Variants in KLHL7 observed in about 807,000 individuals in gnomAD.
KLHL7 encodes the protein kelch like family member 7.
KLHL7 carries 44 observed loss-of-function variants against 67.4 expected under a neutral mutation model. The observed-to-expected ratio is 0.65, with a 90% CI of 0.51 to 0.84. The LOEUF (loss-of-function observed/expected upper bound fraction) is 0.84, where lower values mean the gene tolerates loss of function less well. Ranked by LOEUF, KLHL7 falls within the 40% of genes least tolerant of loss-of-function variation. KLHL7 has a pLI of 0.00. For missense variants in KLHL7, 362 were observed against 718.1 expected, an observed-to-expected ratio of 0.50 and a Z score of 5.67; for synonymous variants, 252 against 243.3, an observed-to-expected ratio of 1.04 and a Z score of -0.33.
At chr7:23,160,314 A>G (rs1391861694) in intron 7 of KLHL7, among the ~76,000 whole-genome samples, 1 of 152,234 alleles carries the variant, frequency 6.6e-6, no homozygotes, top group Non-Finnish European at 1.5e-5. Context: ...AAGGACAAGT[A>G]CTGTTATCAA....
chr7:23,111,760 T>G (rs1782880450), intron 1 of KLHL7, among the ~76,000 whole-genome samples: 1 of 141,102 alleles, frequency 7.1e-6, no homozygotes, highest in African/African-American at 2.7e-5. Flanking sequence ...AGGCAGAGGT[T>G]GTGGTGAGCC....
chr7:23,109,110 G>A (rs896750475), intron 1 of KLHL7, among the ~76,000 whole-genome samples: 2 of 152,154 alleles, frequency 1.3e-5, no homozygotes, highest in Admixed American at 6.5e-5. Context: ...AAAAGATATC[G>A]TCGTGTAGTT....
chr7:23,133,069 T>A (rs971613916), intron 4 of KLHL7, among the ~76,000 whole-genome samples: 3 of 152,216 alleles, frequency 2.0e-5, no homozygotes, highest in Non-Finnish European at 4.4e-5. Context: ...TGAAGTTGGG[T>A]AATGTGATTT....
At chr7:23,171,836 A>G (rs1785172229) in intron 9 of KLHL7, among the ~76,000 whole-genome samples, 1 of 152,136 alleles carries the variant, frequency 6.6e-6, no homozygotes, top group Non-Finnish European at 1.5e-5. Context: ...CAGCCTCCTG[A>G]GTAGCTGGGA....
In KLHL7 at chr7:23,155,165, G is replaced by C. The variant is rs1229947526; in HGVS notation, c.936+2956G>C. ...CTGACTTTTTACCTACAGAAATCTGGCTTTCTCAATAGAAGACTGAGTGAC... is the reference window on the plus strand; with the variant it reads ...CTGACTTTTTACCTACAGAAATCTGCCTTTCTCAATAGAAGACTGAGTGAC... On this transcript the variant is annotated intron_variant, in intron 7 of 10. Coordinates refer to ENST00000339077, the MANE Select transcript of KLHL7 (RefSeq NM_001031710.3). Among the ~76,000 whole-genome samples the C allele has an allele frequency of 3.9e-5, 6 of 152,164 alleles. No homozygotes were observed. In the East Asian group the frequency reaches 5.8e-4, roughly 15 times the overall value.
intron 1 of KLHL7, 83 bp from the exon 2 acceptor site, chr7:23,123,694 A>G (rs951983505): frequency 2.3e-6 from 2 of 855,650 alleles, no homozygotes; most frequent in Non-Finnish European, 3.9e-6. Flanking sequence ...GAGATAAAGC[A>G]TTTGGCAAGC....
chr7:23,157,682 C>T (rs1784747826), intron 7 of KLHL7, among the ~76,000 whole-genome samples: 4 of 152,152 alleles, frequency 2.6e-5, no homozygotes, highest in Admixed American at 2.0e-4. Flanking sequence ...CTTCACAGCC[C>T]CTTCCACCCC....
At chr7:23,111,540 G>T (rs1782870030) in intron 1 of KLHL7, among the ~76,000 whole-genome samples, 1 of 152,042 alleles carries the variant, frequency 6.6e-6, no homozygotes, top group Admixed American at 6.6e-5. Context: ...AGATGACTTG[G>T]CCTGGCACAA....
chr7:23,135,875 T>C (rs1047901023), intron 4 of KLHL7, among the ~76,000 whole-genome samples: 3 of 152,202 alleles, frequency 2.0e-5, no homozygotes, highest in Non-Finnish European at 2.9e-5. Context: ...CATAAATTCT[T>C]TCCATCCATT....
At position 23,137,952 on chromosome 7, in the gene KLHL7, G is replaced by A. The variant is rs532965949; in HGVS notation, c.443-2817G>A. Among the ~76,000 whole-genome samples, 4 of 150,024 alleles carry A rather than the reference G, an allele frequency of 2.7e-5. No individual in the cohort carries two copies. In the South Asian group the frequency reaches 8.8e-4, roughly 33 times the overall value. On this transcript the variant is annotated intron_variant, in intron 4 of 10. Transcript: ENST00000339077. Reference sequence around the variant, plus strand: ...AGCACTTTGGGAGGCTGAGCGGGCGGACCACTTGAGGTCGGGAGTTCGAGA... The same window carrying A: ...AGCACTTTGGGAGGCTGAGCGGGCGAACCACTTGAGGTCGGGAGTTCGAGA...
intron 1 of KLHL7, among the ~76,000 whole-genome samples, chr7:23,116,997 TC>T (rs1172574164): frequency 6.6e-6 from 1 of 152,050 alleles, no homozygotes; most frequent in African/African-American, 2.4e-5. Context: ...ATTATAGTTG[TC>T]CTATTCTTTA....
At chr7:23,152,950 A>G (rs533829500) in intron 7 of KLHL7, among the ~76,000 whole-genome samples, 13 of 152,332 alleles carry the variant, frequency 8.5e-5, no homozygotes, top group African/African-American at 2.9e-4. Context: ...GCAAGGTGAT[A>G]TCCATAAGTG....
rs1167490011 is a variant in KLHL7 at position 23,174,041 on chromosome 7, G to A, written c.1504G>A (p.Asp502Asn). The A allele has an allele frequency of 4.3e-6, 7 of 1,614,044 alleles. No individual in the cohort carries two copies. The highest frequency in any genetic ancestry group is 5.9e-6 in the Non-Finnish European group (7 of 1,179,968). Residue 502 changes from aspartate (D) to asparagine (N), a missense_variant, in exon 11 of 11, where the codon GAT becomes AAT. Transcript: ENST00000339077. ...TGGTCTGGACAATGTGGAATATTAC[G>A]ATATTAAGTTGAACGAATGGAAGAT... ...LGGLDNVEYY[D>N]IKLNEWKMVS...
At chr7:23,148,311 C>T (rs1784422005) in intron 6 of KLHL7, among the ~76,000 whole-genome samples, 2 of 149,780 alleles carry the variant, frequency 1.3e-5, no homozygotes, top group Middle Eastern at 3.5e-3. Context: ...TGAACCTAGT[C>T]GAGGTTGTCA....
intron 6 of KLHL7, among the ~76,000 whole-genome samples, chr7:23,146,914 TC>T (rs1188700329): frequency 7.2e-5 from 11 of 152,138 alleles, no homozygotes; most frequent in African/African-American, 2.7e-4. Flanking sequence ...CTCTTCTACT[TC>T]ATTCTAATAC....
intron 1 of KLHL7, among the ~76,000 whole-genome samples, chr7:23,113,190 TGGAGGTTGA>T (rs1263068420): frequency 6.6e-6 from 1 of 152,054 alleles, no homozygotes; most frequent in Non-Finnish European, 1.5e-5. Context: ...AAGGCAAAGC[TGGAGGTTGA>T]GGAATGTAGT....
intron 1 of KLHL7, among the ~76,000 whole-genome samples, chr7:23,110,631 A>G (rs1782827789): frequency 6.6e-6 from 1 of 151,626 alleles, no homozygotes; most frequent in Non-Finnish European, 1.5e-5. Flanking sequence ...TATTATTATT[A>G]TACTTTAAGT....
intron 7 of KLHL7, 152 bp from the exon 8 acceptor site, chr7:23,165,546 G>A (rs1784978258): frequency 1.1e-6 from 1 of 930,500 alleles, no homozygotes; most frequent in Non-Finnish European, 1.6e-6. Flanking sequence ...AACCACACAA[G>A]ATTAAATTGG....
chr7:23,123,461 G>A (rs1336410612), intron 1 of KLHL7, among the ~76,000 whole-genome samples: 1 of 140,224 alleles, frequency 7.1e-6, no homozygotes, highest in Non-Finnish European at 1.5e-5. Context: ...CTTACCATGA[G>A]AAATGTCCTA....
Sources: gnomAD v4.1 joint callset for allele counts (sites outside exome capture counted in the v4.1 genomes callset) on GRCh38, gnomAD v4.1.1 for gene constraint, MANE v1.5 for transcripts, NCBI Gene and HGNC (gene_info 2026-07-23, HGNC 2026-07-21) for gene names.